Variants in CHL1 observed in about 807,000 individuals in gnomAD.
The protein encoded by CHL1 is cell adhesion molecule L1 like, also known as neural cell adhesion molecule L1-like protein.
A neutral mutation model predicts 141.9 loss-of-function variants in CHL1; 96 were observed. That is an observed-to-expected ratio of 0.68 (90% confidence interval 0.57 to 0.80). The LOEUF (loss-of-function observed/expected upper bound fraction) is 0.80. Among genes scored for constraint, CHL1 ranks in the 30% least tolerant of loss-of-function variants. CHL1 has a pLI of 0.00. For synonymous variants in CHL1, 613 were observed against 502.2 expected, an observed-to-expected ratio of 1.22 and a Z score of -2.95; for missense variants, 1,820 against 1,457.2, an observed-to-expected ratio of 1.25 and a Z score of -4.05.
At position 382,460 on chromosome 3, in the gene CHL1, G is replaced by C. The variant is rs767973341; in HGVS notation, c.1979-14G>C. ...CCATACATTCTAATATTTTTTCCCT[G>C]TTTATACTACCAGAGTATATTGTTG... On this transcript the variant is annotated splice_polypyrimidine_tract_variant and intron_variant, in intron 17 of 27. Coordinates refer to ENST00000256509, the MANE Select transcript of CHL1 (RefSeq NM_006614.4). The C allele has an allele frequency of 6.2e-7, 1 of 1,606,420 alleles. No individual in the cohort carries two copies. Among genetic ancestry groups the C allele is most frequent in the African/African-American group, 1.3e-5 (1 of 74,634 alleles).
chr3:345,368 G>T (rs893000843), intron 9 of CHL1, among the ~76,000 whole-genome samples: 4 of 152,140 alleles, frequency 2.6e-5, no homozygotes, highest in African/African-American at 9.7e-5. Flanking sequence ...TGGAGGTCCA[G>T]ACCATGTAAT....
Position 244,656 on chromosome 3 carries a change from C to T in CHL1, c.-131C>T, listed in dbSNP as rs185127637. 1.3e-5 allele frequency: 2 copies of T among 152,262 alleles called. No individual in the cohort carries two copies. The highest frequency in any genetic ancestry group is 1.9e-4 in the East Asian group (1 of 5,184). 9.4% of individuals were successfully genotyped at this position (152,262 alleles called of 1,614,324 possible). On this transcript the variant is annotated 5_prime_UTR_variant, in exon 2 of 28. Coordinates refer to ENST00000256509, the MANE Select transcript of CHL1 (RefSeq NM_006614.4). The stretch of plus-strand genomic sequence containing the variant: ...CATAATCCTGTCTTAATACTGCAAA[C>T]AAATCATAGTGGAACTAAGGGGAAC...
intron 9 of CHL1, among the ~76,000 whole-genome samples, chr3:347,683 G>C (rs1329427137): frequency 6.6e-6 from 1 of 152,130 alleles, no homozygotes; most frequent in Non-Finnish European, 1.5e-5. Flanking sequence ...CCTATAACTT[G>C]GCAAATTGTC....
chr3:222,719 CAGGGA>C (rs2124987717), intron 1 of CHL1, among the ~76,000 whole-genome samples: 1 of 152,184 alleles, frequency 6.6e-6, no homozygotes, highest in African/African-American at 2.4e-5. Context: ...AATGAGATAA[CAGGGA>C]AGGGAAGGAA....
At chr3:381,560 T>C (rs943938808) in intron 16 of CHL1, among the ~76,000 whole-genome samples, 3 of 152,226 alleles carry the variant, frequency 2.0e-5, no homozygotes, top group Non-Finnish European at 4.4e-5. Flanking sequence ...CATTGCTTTA[T>C]GCCTAAAAGG....
chr3:344,532 C>G, intron 8 of CHL1, 57 bp from the exon 9 acceptor site: 1 of 1,375,630 alleles, frequency 7.3e-7, no homozygotes, highest in Non-Finnish European at 1.0e-6. Context: ...TGTGGTGTCA[C>G]AGAATTTTAT....
intron 15 of CHL1, among the ~76,000 whole-genome samples, chr3:371,446 T>C (rs1030160383): frequency 1.4e-4 from 22 of 152,220 alleles, no homozygotes; most frequent in African/African-American, 5.3e-4. Flanking sequence ...TGTTTTGCTT[T>C]CCATTTGCTT....
intron 15 of CHL1, chr3:373,571 C>G (rs1427447183): frequency 6.6e-6 from 1 of 152,420 alleles, no homozygotes; most frequent in Non-Finnish European, 1.5e-5. Flanking sequence ...ATTCCCAGTG[C>G]TGGCTGCTGC....
Position 287,859 on chromosome 3 carries a change from G to T in CHL1, c.-94-31824G>T, listed in dbSNP as rs147058459. On this transcript the variant is annotated intron_variant, in intron 2 of 27. Transcript: ENST00000256509. ...CAGTTCACTGCAACCTCCGCCTCCCGGGTTGAAGCGATTCTCCTGCCTCAG... is the reference window on the plus strand; with the variant it reads ...CAGTTCACTGCAACCTCCGCCTCCCTGGTTGAAGCGATTCTCCTGCCTCAG... Among the ~76,000 whole-genome samples, 32 of 152,006 alleles carry T rather than the reference G, an allele frequency of 2.1e-4. No individual in the cohort carries two copies. In the East Asian group the frequency reaches 6.2e-3, roughly 29 times the overall value.
chr3:337,183 TTGTTTTTG>T (rs1385933159), intron 5 of CHL1, among the ~76,000 whole-genome samples: 1 of 99,176 alleles, frequency 1.0e-5, no homozygotes. Flanking sequence ...AAACATTCTT[TTGTTTTTG>T]TTTTTTTTTT....
chr3:223,417 A>G (rs909688511), intron 1 of CHL1, among the ~76,000 whole-genome samples: 1 of 152,214 alleles, frequency 6.6e-6, no homozygotes, highest in Non-Finnish European at 1.5e-5. Flanking sequence ...GGAGTAATTT[A>G]CTATTCAGAA....
intron 27 of CHL1, among the ~76,000 whole-genome samples, chr3:402,227 C>A (rs1036378232): frequency 1.3e-5 from 2 of 152,162 alleles, no homozygotes; most frequent in Non-Finnish European, 2.9e-5. Context: ...GAAAAAGAAT[C>A]ATCCATAAGA....
At chr3:336,402 T>G (rs554853346) in intron 5 of CHL1, among the ~76,000 whole-genome samples, 1 of 152,332 alleles carries the variant, frequency 6.6e-6, no homozygotes, top group East Asian at 1.9e-4. Context: ...TTAGTTAGCA[T>G]GAATTGTATT....
At position 349,422 on chromosome 3, in the gene CHL1, A is replaced by C; in HGVS notation, c.912A>C (p.Lys304Asn). Reference protein sequence around the residue: ...GGDLPKGRETKENYGKTLKIE... With the variant: ...GGDLPKGRETNENYGKTLKIE... ...ACTTACCAAAGGGGAGAGAAACAAAAGAAAATTATGGCAAGACTTTGAAGA... is the reference window on the plus strand; with the variant it reads ...ACTTACCAAAGGGGAGAGAAACAAACGAAAATTATGGCAAGACTTTGAAGA... The change falls in exon 10 of 28, where the codon AAA becomes AAC. Residue 304 changes from lysine (K) to asparagine (N), a missense_variant. Transcript: ENST00000256509. The C allele has an allele frequency of 1.2e-6, 2 of 1,614,044 alleles. No individual in the cohort carries two copies. Among genetic ancestry groups the C allele is most frequent in the Non-Finnish European group, 1.7e-6 (2 of 1,179,890 alleles).
chr3:268,551 GTAAAATAAAA>G (rs555522110), intron 2 of CHL1, among the ~76,000 whole-genome samples: 152 of 151,592 alleles, frequency 1.0e-3, no homozygotes, highest in African/African-American at 3.5e-3. Flanking sequence ...ATAAAATAAA[GTAAAATAAAA>G]TAAAATAAAA....
At chr3:226,385 T>TATATATAC (rs1188660253) in intron 1 of CHL1, among the ~76,000 whole-genome samples, 11 of 146,918 alleles carry the variant, frequency 7.5e-5, no homozygotes, top group African/African-American at 2.5e-4. Context: ...TATATATATA[T>TATATATAC]ACTTATATAT....
chr3:292,807 G>C (rs1697813237), intron 2 of CHL1, among the ~76,000 whole-genome samples: 1 of 152,074 alleles, frequency 6.6e-6, no homozygotes, highest in Admixed American at 6.5e-5. Flanking sequence ...GGCGCCACAC[G>C]CTTCTAAACA....
Position 228,070 on chromosome 3 carries a change from C to T in CHL1, c.-174-16543C>T, listed in dbSNP as rs183275779. 1.7e-3 allele frequency among the ~76,000 whole-genome samples: 265 copies of T among 152,288 alleles called. 2 individuals are homozygous for T. The Middle Eastern group carries it at 0.024, about 14-fold the overall frequency. ...CATACAGCTTTTCGATAGAGGCAAACACTGCCTAATGGAATTGATCTACAA... is the reference window on the plus strand; with the variant it reads ...CATACAGCTTTTCGATAGAGGCAAATACTGCCTAATGGAATTGATCTACAA... On this transcript the variant is annotated intron_variant, in intron 1 of 27. Coordinates refer to ENST00000256509, the MANE Select transcript of CHL1 (RefSeq NM_006614.4).
intron 15 of CHL1, among the ~76,000 whole-genome samples, chr3:367,696 T>C (rs1398241744): frequency 1.3e-5 from 2 of 152,224 alleles, no homozygotes; most frequent in African/African-American, 2.4e-5. Flanking sequence ...AAAAATGGGA[T>C]ACATGAACAG....
Sources: allele counts gnomAD v4.1 joint callset (sites outside exome capture counted in the v4.1 genomes callset), GRCh38; gene constraint gnomAD v4.1.1; transcripts MANE v1.5; gene names NCBI Gene and HGNC (gene_info 2026-07-23, HGNC 2026-07-21).